ARHGAP15: variants seen among roughly 807,000 people sequenced by gnomAD.
ARHGAP15 encodes the protein rho GTPase-activating protein 15.
Under a neutral mutation model 63.7 loss-of-function variants are expected in ARHGAP15, and 51 were observed. The ratio of observed to expected loss-of-function variants is 0.80; its 90% CI spans 0.64 to 1.01. ARHGAP15 has a LOEUF of 1.01. ARHGAP15 is among the 50% of genes least tolerant of loss of function. ARHGAP15 has a pLI of 0.00. For synonymous variants in ARHGAP15, 191 were observed against 193.8 expected (o/e 0.99, Z 0.12); for missense variants, 560 against 564.6 (o/e 0.99, Z 0.08).
intron 1 of ARHGAP15, among the ~76,000 whole-genome samples, chr2:143,136,251 G>T (rs354720): frequency 6.6e-6 from 1 of 151,526 alleles, no homozygotes; most frequent in Non-Finnish European, 1.5e-5. Flanking sequence ...TCATTATACT[G>T]TTCACGTGAC....
chr2:143,303,746 A>G (rs1454309004), intron 6 of ARHGAP15, among the ~76,000 whole-genome samples: 3 of 152,130 alleles, frequency 2.0e-5, no homozygotes, highest in Non-Finnish European at 4.4e-5. Flanking sequence ...ATCTACAAAG[A>G]ACTCAAACAA....
intron 6 of ARHGAP15, among the ~76,000 whole-genome samples, chr2:143,274,416 T>A (rs1054377718): frequency 6.6e-6 from 1 of 152,248 alleles, no homozygotes; most frequent in Non-Finnish European, 1.5e-5. Flanking sequence ...TTCTGTGGTA[T>A]AATGTTGCAA....
intron 2 of ARHGAP15, among the ~76,000 whole-genome samples, chr2:143,200,641 C>G (rs1261492457): frequency 6.6e-6 from 1 of 151,888 alleles, no homozygotes; most frequent in East Asian, 1.9e-4. Flanking sequence ...ATGGGAGTTT[C>G]TGTTTAAATT....
intron 6 of ARHGAP15, among the ~76,000 whole-genome samples, chr2:143,389,916 C>A (rs1276991160): frequency 6.6e-6 from 1 of 151,730 alleles, no homozygotes; most frequent in Non-Finnish European, 1.5e-5. Flanking sequence ...TGGCCCTACT[C>A]CTTTTGTTTG....
intron 6 of ARHGAP15, among the ~76,000 whole-genome samples, chr2:143,317,245 ATAAT>A (rs1683764271): frequency 6.6e-6 from 1 of 152,232 alleles, no homozygotes; most frequent in African/African-American, 2.4e-5. Flanking sequence ...AAGCAAATAA[ATAAT>A]TTATGAGTGA....
chr2:143,221,787 T>A (rs940298151), intron 4 of ARHGAP15, among the ~76,000 whole-genome samples: 1 of 152,148 alleles, frequency 6.6e-6, no homozygotes, highest in Non-Finnish European at 1.5e-5. Flanking sequence ...TAGAAAGATA[T>A]ACTTGGGGGT....
At chr2:143,217,355 A>G (rs1421929857) in intron 4 of ARHGAP15, among the ~76,000 whole-genome samples, 1 of 152,194 alleles carries the variant, frequency 6.6e-6, no homozygotes, top group Non-Finnish European at 1.5e-5. Flanking sequence ...AGGGGGGTGG[A>G]GAAATCATCC....
At chr2:143,474,224 C>A (rs561282872) in intron 8 of ARHGAP15, among the ~76,000 whole-genome samples, 1 of 152,052 alleles carries the variant, frequency 6.6e-6, no homozygotes. Flanking sequence ...TTACAGATTT[C>A]AGGTTACCAA....
At chr2:143,699,082 T>C (rs1574856380) in intron 12 of ARHGAP15, among the ~76,000 whole-genome samples, 1 of 152,306 alleles carries the variant, frequency 6.6e-6, no homozygotes, top group East Asian at 1.9e-4. Context: ...TCCTGTATTA[T>C]GTATGCTGAT....
chr2:143,763,538 G>C (rs187946194), intron 13 of ARHGAP15, among the ~76,000 whole-genome samples: 114 of 151,562 alleles, frequency 7.5e-4, no homozygotes, highest in African/African-American at 2.7e-3. Flanking sequence ...TAAAGACAGT[G>C]ATTTCTTCAC....
chr2:143,718,668 C>T, intron 13 of ARHGAP15, among the ~76,000 whole-genome samples: 1 of 152,148 alleles, frequency 6.6e-6, no homozygotes, highest in Non-Finnish European at 1.5e-5. Flanking sequence ...TTCCACTGTT[C>T]TCTACCTTTC....
At chr2:143,566,968 C>T (rs1395246981) in intron 11 of ARHGAP15, among the ~76,000 whole-genome samples, 2 of 152,038 alleles carry the variant, frequency 1.3e-5, no homozygotes, top group East Asian at 1.9e-4. Context: ...CTCTGCCTCC[C>T]GGGTTCATGC....
At chr2:143,236,042 A>G (rs1231796503) in intron 5 of ARHGAP15, 2 of 1,509,812 alleles carry the variant, frequency 1.3e-6, no homozygotes, top group Non-Finnish European at 1.8e-6. Flanking sequence ...GATGGATTGC[A>G]TCATAGAGAA....
At chr2:143,707,073 G>T (rs1322503824) in intron 13 of ARHGAP15, among the ~76,000 whole-genome samples, 1 of 152,152 alleles carries the variant, frequency 6.6e-6, no homozygotes, top group Non-Finnish European at 1.5e-5. Context: ...ATAATAACTA[G>T]GGAATCGTTA....
In ARHGAP15 at chr2:143,636,548, A is replaced by T. The variant is rs541066175; in HGVS notation, c.1138+12281A>T. ...GCCCCCTCCGTGTTAACTGAGCAGA[A>T]ATCTCCACCAAGGAGAAAGACAAGC... On this transcript the variant is annotated intron_variant, in intron 12 of 13. Coordinates refer to ENST00000295095, the MANE Select transcript of ARHGAP15 (RefSeq NM_018460.4). 3.9e-5 allele frequency among the ~76,000 whole-genome samples: 6 copies of T among 152,248 alleles called. No homozygotes were observed. The South Asian group carries it at 1.2e-3, about 32-fold the overall frequency.
rs145557206 is a variant in ARHGAP15, at chr2:143,349,115, A to C, written c.475-86486A>C. ...ATTTAGACCCTCCAAAGTTTCTTTTATTGACATTGTTGGAAGTTGTTCAGA... is the reference window on the plus strand; with the variant it reads ...ATTTAGACCCTCCAAAGTTTCTTTTCTTGACATTGTTGGAAGTTGTTCAGA... On this transcript the variant is annotated intron_variant, in intron 6 of 13. Transcript: ENST00000295095. Among the ~76,000 whole-genome samples the C allele has an allele frequency of 2.4e-4, 36 of 152,294 alleles. 1 individual carries two copies. The highest frequency in any genetic ancestry group is 8.4e-4 in the African/African-American group (35 of 41,586).
chr2:143,575,142 C>T lies in ARHGAP15; in HGVS notation c.1003+18657C>T, dbSNP rs968801869. On this transcript the variant is annotated intron_variant, in intron 11 of 13. Transcript: ENST00000295095. ...ATATTTCTCTAGTGAAAATTCTTACCTTGCTGAGTTTCACTCTCCCTATAT... is the reference window on the plus strand; with the variant it reads ...ATATTTCTCTAGTGAAAATTCTTACTTTGCTGAGTTTCACTCTCCCTATAT... 1.1e-4 allele frequency among the ~76,000 whole-genome samples: 16 copies of T among 152,204 alleles called. No homozygotes were observed. In the East Asian group the frequency reaches 2.5e-3, roughly 24 times the overall value.
At chr2:143,445,153 A>ACTTTTTTTT (rs765945989) in intron 8 of ARHGAP15, among the ~76,000 whole-genome samples, 1,471 of 74,400 alleles carry the variant, frequency 0.02, 121 homozygotes, top group African/African-American at 0.04. Flanking sequence ...AAGAACAATT[A>ACTTTTTTTT]TTTTTTTTTT....
intron 12 of ARHGAP15, among the ~76,000 whole-genome samples, chr2:143,639,046 G>C (rs1680481005): frequency 6.6e-6 from 1 of 152,008 alleles, no homozygotes; most frequent in South Asian, 2.1e-4. Flanking sequence ...TGCAGAGCTA[G>C]AATTCGAACC....
Sources: gnomAD v4.1 joint callset for allele counts (sites outside exome capture counted in the v4.1 genomes callset) on GRCh38, gnomAD v4.1.1 for gene constraint, MANE v1.5 for transcripts, NCBI Gene and HGNC (gene_info 2026-07-23, HGNC 2026-07-21) for gene names.